The following CNKSR2 variants were observed in gnomAD, a reference collection of about 807,000 sequenced individuals.
The protein encoded by CNKSR2 is connector enhancer of kinase suppressor of Ras 2.
A neutral mutation model predicts 84.4 loss-of-function variants in CNKSR2; 14 were observed. The ratio of observed to expected loss-of-function variants is 0.17; its 90% CI spans 0.11 to 0.26. CNKSR2 has a LOEUF of 0.26. Ranked by LOEUF, CNKSR2 falls within the 10% of genes least tolerant of loss-of-function variation. The probability of loss-of-function intolerance (pLI) is 1.00; values close to 1 mark genes in which losing one functional copy is unlikely to be tolerated. For synonymous variants in CNKSR2, 275 were observed against 277.9 expected (o/e 0.99, Z 0.10); for missense variants, 485 against 771.2 (o/e 0.63, Z 4.40).
At position 21,652,427 on chromosome X, in the gene CNKSR2, C is replaced by T. The variant is rs368673897; in HGVS notation, c.3011C>T (p.Thr1004Ile). Residue 1004 changes from threonine to isoleucine, a missense_variant, in exon 22 of 22, where the codon ACC becomes ATC. Physicochemically the swap from Thr to Ile is moderately conservative, Grantham distance 89. Coordinates refer to ENST00000379510, the MANE Select transcript of CNKSR2 (RefSeq NM_014927.5). ...LDLFLDICQN[T>I]TSNDPLSISS... ...CTTTTCTTGGATATCTGTCAAAATA[C>T]CACCTCAAATGACCCACTGAGTATT... The T allele has an allele frequency of 8.3e-7, 1 of 1,207,209 alleles. No individual in the cohort carries two copies. Among genetic ancestry groups the T allele is most frequent in the Non-Finnish European group, 1.1e-6 (1 of 892,568 alleles).
intron 15 of CNKSR2, chrX:21,593,414 A>G (rs2092432894): frequency 8.9e-6 from 1 of 111,805 alleles, no homozygotes; most frequent in Non-Finnish European, 1.9e-5. Context: ...ATCTAAAAGA[A>G]TCGAGAACTC....
At chrX:21,630,362 T>C (rs1036459629) in intron 20 of CNKSR2, among the ~76,000 whole-genome samples, 1 of 112,561 alleles carries the variant, frequency 8.9e-6, no homozygotes, top group African/African-American at 3.2e-5. Context: ...TATAGGTTTG[T>C]TGAACACATT....
intron 17 of CNKSR2, among the ~76,000 whole-genome samples, chrX:21,596,676 A>C (rs1602006647): frequency 2.8e-5 from 3 of 109,049 alleles, no homozygotes; most frequent in East Asian, 5.7e-4. Context: ...TTTTTTTTTC[A>C]AAGCAAGGAT....
chrX:21,389,941 C>A lies in CNKSR2; in HGVS notation c.64+14980C>A, dbSNP rs1461963399. On this transcript the variant is annotated intron_variant, in intron 1 of 21. Transcript: ENST00000379510. Reference sequence around the variant, plus strand: ...TTAGCATTTTTTACCTTTTGCTAATCAGGAAATATGTTTAAGAAAAGGAGA... The same window carrying A: ...TTAGCATTTTTTACCTTTTGCTAATAAGGAAATATGTTTAAGAAAAGGAGA... Among the ~76,000 whole-genome samples, 3 of 112,115 alleles carry A rather than the reference C, an allele frequency of 2.7e-5. No individual in the cohort carries two copies. In the Admixed American group the frequency reaches 2.8e-4, roughly 11 times the overall value.
intron 5 of CNKSR2, among the ~76,000 whole-genome samples, chrX:21,478,242 T>C (rs1257234157): frequency 8.9e-6 from 1 of 111,958 alleles, no homozygotes; most frequent in Non-Finnish European, 1.9e-5. Flanking sequence ...TTTGGTGTCA[T>C]ATTATATTAT....
At chrX:21,632,637 G>A (rs776137180) in intron 20 of CNKSR2, among the ~76,000 whole-genome samples, 114 of 111,768 alleles carry the variant, frequency 1.0e-3, no homozygotes, top group African/African-American at 3.6e-3. Context: ...TTCCTAAATA[G>A]TAGTTCACAC....
chrX:21,418,355 G>C (rs1420639322), intron 1 of CNKSR2, among the ~76,000 whole-genome samples: 2 of 111,361 alleles, frequency 1.8e-5, no homozygotes, highest in Non-Finnish European at 3.8e-5. Flanking sequence ...ATAATATTCT[G>C]TGTTTTTTTT....
chrX:21,647,736 AT>A (rs1480959984), intron 20 of CNKSR2, among the ~76,000 whole-genome samples: 3 of 112,131 alleles, frequency 2.7e-5, no homozygotes, highest in Non-Finnish European at 3.8e-5. Flanking sequence ...AAATGGTATC[AT>A]TACCAATTAA....
chrX:21,472,690 T>G, intron 5 of CNKSR2, among the ~76,000 whole-genome samples: 1 of 111,624 alleles, frequency 9.0e-6, no homozygotes, highest in South Asian at 3.7e-4. Context: ...GAAATGTAAA[T>G]AATTTATGGA....
At chrX:21,537,364 A>T (rs2091937673) in intron 11 of CNKSR2, among the ~76,000 whole-genome samples, 2 of 111,467 alleles carry the variant, frequency 1.8e-5, no homozygotes, top group Admixed American at 1.9e-4. Context: ...TGTTCTGTAA[A>T]TGTCTGTTAG....
chrX:21,481,725 TG>T (rs1272500622), intron 5 of CNKSR2, among the ~76,000 whole-genome samples: 1 of 112,050 alleles, frequency 8.9e-6, no homozygotes, highest in Admixed American at 9.5e-5. Flanking sequence ...ATTCTCTTGC[TG>T]GCCTTGAAGA....
intron 3 of CNKSR2, among the ~76,000 whole-genome samples, chrX:21,440,230 A>G (rs1351178748): frequency 9.0e-6 from 1 of 111,326 alleles, no homozygotes. Flanking sequence ...AAATTACCTG[A>G]TACAGGTAAA....
In CNKSR2 at chrX:21,459,345, T is replaced by C. The variant is rs374876421; in HGVS notation, c.520-11421T>C. Among the ~76,000 whole-genome samples the C allele has an allele frequency of 3.6e-4, 40 of 112,308 alleles. 3 individuals carry two copies. Among genetic ancestry groups the C allele is most frequent in the Admixed American group, 2.9e-3 (31 of 10,634 alleles). On this transcript the variant is annotated intron_variant, in intron 4 of 21. Transcript: ENST00000379510. ...GGCTATCCTTAAGCTTCACCAGATT[T>C]GTGCCTCCTTGCCCCTGGTTGATAA... is the stretch of plus-strand genomic sequence containing the variant.
chrX:21,547,701 C>A (rs927236134), intron 11 of CNKSR2, among the ~76,000 whole-genome samples: 1 of 111,785 alleles, frequency 8.9e-6, no homozygotes, highest in African/African-American at 3.3e-5. Context: ...TCAGCAAATG[C>A]AAGAGAACAG....
At position 21,401,318 on chromosome X, in the gene CNKSR2, T is replaced by C. The variant is rs575962417; in HGVS notation, c.65-25179T>C. 6.0e-4 allele frequency among the ~76,000 whole-genome samples: 67 copies of C among 111,615 alleles called. 1 individual carries two copies. The South Asian group carries it at 0.024, about 41-fold the overall frequency. ...AATGTTATGTGGTTAAAAAAAATCGTGTATTTTAAAATTGGAAATAATATG... is the reference window on the plus strand; with the variant it reads ...AATGTTATGTGGTTAAAAAAAATCGCGTATTTTAAAATTGGAAATAATATG... On this transcript the variant is annotated intron_variant, in intron 1 of 21. Coordinates refer to ENST00000379510, the MANE Select transcript of CNKSR2 (RefSeq NM_014927.5).
intron 5 of CNKSR2, among the ~76,000 whole-genome samples, chrX:21,490,015 T>C (rs1468154801): frequency 9.0e-6 from 1 of 111,091 alleles, no homozygotes; most frequent in Non-Finnish European, 1.9e-5. Flanking sequence ...GTAGGAAGAG[T>C]TTGTTAAGCT....
intron 3 of CNKSR2, among the ~76,000 whole-genome samples, chrX:21,440,125 C>T (rs2090765117): frequency 1.8e-5 from 2 of 111,371 alleles, no homozygotes; most frequent in South Asian, 7.5e-4. Context: ...AGTTGTGTGA[C>T]CTTAGATAAG....
chrX:21,486,571 C>T (rs750419397), intron 5 of CNKSR2, among the ~76,000 whole-genome samples: 15 of 111,678 alleles, frequency 1.3e-4, no homozygotes, highest in African/African-American at 4.5e-4. Flanking sequence ...ATAATACCTA[C>T]TTTAGGAAGT....
chrX:21,427,886 C>T (rs2090586413), intron 2 of CNKSR2: 1 of 111,809 alleles, frequency 8.9e-6, no homozygotes, highest in Non-Finnish European at 1.9e-5. Context: ...GTAAGATATG[C>T]ATTTGGTCTT....
Sources: allele counts gnomAD v4.1 joint callset (sites outside exome capture counted in the v4.1 genomes callset), GRCh38; gene constraint gnomAD v4.1.1; transcripts MANE v1.5; gene names NCBI Gene and HGNC (gene_info 2026-07-23, HGNC 2026-07-21).